KDM4B: variants seen among roughly 807,000 people sequenced by gnomAD.
KDM4B encodes lysine demethylase 4B, also known as lysine-specific demethylase 4B.
KDM4B carries 32 observed loss-of-function variants against 125.2 expected under a neutral mutation model. The ratio of observed to expected loss-of-function variants is 0.26; its 90% CI spans 0.19 to 0.34. KDM4B has a LOEUF of 0.34. KDM4B is among the 10% of genes least tolerant of loss of function. KDM4B has a pLI of 1.00. For synonymous variants in KDM4B, 721 were observed against 677.9 expected (o/e 1.06, Z -0.99); for missense variants, 1,190 against 1,577.7 (o/e 0.75, Z 4.16).
chr19:5,094,633 G>A (rs2038781442), intron 9 of KDM4B, among the ~76,000 whole-genome samples: 3 of 152,090 alleles, frequency 2.0e-5, no homozygotes, highest in African/African-American at 7.2e-5. Context: ...ACAGAGGTGG[G>A]GGCACAGGGG....
rs2037070424 is a variant in KDM4B, at chr19:5,047,688, C to T, written c.626+19C>T. 6.2e-7 allele frequency: 1 copy of T among 1,609,396 alleles called. No homozygotes were observed. The highest frequency in any genetic ancestry group is 1.3e-5 in the African/African-American group (1 of 74,960). On this transcript the variant is annotated intron_variant, in intron 6 of 22. Coordinates refer to ENST00000159111, the MANE Select transcript of KDM4B (RefSeq NM_015015.3). The stretch of plus-strand genomic sequence containing the variant: ...AGTCCTGGTGAGTGTCTGCACTGGC[C>T]CTGCCGCCGGCCGGACCGAGAGCCC...
At chr19:4,995,907 C>T (rs1461073260) in intron 1 of KDM4B, among the ~76,000 whole-genome samples, 2 of 152,254 alleles carry the variant, frequency 1.3e-5, no homozygotes, top group African/African-American at 2.4e-5. Context: ...CTTTGCTTCT[C>T]AGTGGCTCTG....
At chr19:5,030,256 G>A (rs2036409272) in intron 2 of KDM4B, among the ~76,000 whole-genome samples, 1 of 152,208 alleles carries the variant, frequency 6.6e-6, no homozygotes, top group Admixed American at 6.5e-5. Context: ...ACAGGTGTGT[G>A]CCACCGTGCC....
chr19:5,148,662 C>T (rs1342723599), intron 21 of KDM4B, among the ~76,000 whole-genome samples: 4 of 151,878 alleles, frequency 2.6e-5, no homozygotes. Context: ...CAAAGCGGAG[C>T]CTCCAAAACC....
At chr19:5,122,959 A>T (rs1267846067) in intron 11 of KDM4B, among the ~76,000 whole-genome samples, 1 of 152,196 alleles carries the variant, frequency 6.6e-6, no homozygotes, top group Non-Finnish European at 1.5e-5. Context: ...TTATCCAGAG[A>T]AGTGGAGCAT....
chr19:5,132,618 CAG>C (rs2039578486), intron 13 of KDM4B, among the ~76,000 whole-genome samples: 1 of 152,058 alleles, frequency 6.6e-6, no homozygotes, highest in South Asian at 2.1e-4. Flanking sequence ...GGCACGGGGA[CAG>C]AGGAATGACC....
At chr19:5,151,146 G>T (rs918796089) in intron 22 of KDM4B, among the ~76,000 whole-genome samples, 189 bp from the exon 23 acceptor site, 3 of 152,224 alleles carry the variant, frequency 2.0e-5, no homozygotes, top group Non-Finnish European at 2.9e-5. Flanking sequence ...AGAGGCTGGG[G>T]CCGAGTGCAG....
Position 5,061,945 on chromosome 19 carries a change from C to T in KDM4B, c.627-9065C>T, listed in dbSNP as rs975939527. Among the ~76,000 whole-genome samples, 9 of 152,298 alleles carry T rather than the reference C, an allele frequency of 5.9e-5. No homozygotes were observed. The East Asian group carries it at 1.2e-3, about 20-fold the overall frequency. On this transcript the variant is annotated intron_variant, in intron 6 of 22. Transcript: ENST00000159111. The stretch of plus-strand genomic sequence containing the variant: ...GTTCTGTCATTGCCTTGGGAGGAGC[C>T]GTGCAGCCCAGGCTGGGCTCCATTT...
chr19:5,054,718 G>A (rs182214027), intron 6 of KDM4B, among the ~76,000 whole-genome samples: 88 of 152,342 alleles, frequency 5.8e-4, no homozygotes, highest in African/African-American at 2.1e-3. Context: ...GGCCTAGAGC[G>A]TGGCGTGTGG....
At chr19:4,981,477 C>T (rs894868322) in intron 1 of KDM4B, among the ~76,000 whole-genome samples, 2 of 152,150 alleles carry the variant, frequency 1.3e-5, no homozygotes, top group South Asian at 2.1e-4. Flanking sequence ...TTTCCTGGTC[C>T]GGGGCCTGGT....
chr19:5,022,288 C>T (rs940247297), intron 2 of KDM4B, among the ~76,000 whole-genome samples: 18 of 152,294 alleles, frequency 1.2e-4, no homozygotes, highest in Non-Finnish European at 1.3e-4. Flanking sequence ...CCAGGCCTGG[C>T]CCCAGGTGCT....
chr19:4,972,636 C>T (rs750145245), intron 1 of KDM4B, among the ~76,000 whole-genome samples: 2 of 152,228 alleles, frequency 1.3e-5, no homozygotes, highest in African/African-American at 2.4e-5. Context: ...CTGTCAACCC[C>T]GCAGTGAGAA....
rs1338457168 is a variant in KDM4B at position 5,114,038 on chromosome 19, G to A, written c.1115+3220G>A. 1 of 1,284,718 alleles carries A rather than the reference G, an allele frequency of 7.8e-7. No homozygotes were observed. Among genetic ancestry groups the A allele is most frequent in the Non-Finnish European group, 1.0e-6 (1 of 985,874 alleles). The allele number at this position is 1,284,718 out of a possible 1,614,324, so 79.6% of individuals were successfully genotyped here. A position where few individuals can be genotyped will look rare whatever the true frequency, so the allele number is the denominator to read the frequency against. ...GTTTGTATTCTTCCCCCTGATGGATGGGTCGCCTAAAACTGCAGCCTGGCT... is the reference window on the plus strand; with the variant it reads ...GTTTGTATTCTTCCCCCTGATGGATAGGTCGCCTAAAACTGCAGCCTGGCT... On this transcript the variant is annotated intron_variant, in intron 10 of 22. Transcript: ENST00000159111. This position sits in a 1 kb window ranked among gnomAD's most constrained non-coding sequence, Gnocchi z 5.8.
chr19:5,148,064 C>T (rs1020958577), intron 21 of KDM4B, among the ~76,000 whole-genome samples: 1 of 152,194 alleles, frequency 6.6e-6, no homozygotes, highest in Non-Finnish European at 1.5e-5. Flanking sequence ...CCCGCCTGTC[C>T]GGAACACTTG....
chr19:5,009,796 A>G (rs2035673767), intron 1 of KDM4B, among the ~76,000 whole-genome samples: 1 of 151,838 alleles, frequency 6.6e-6, no homozygotes, highest in African/African-American at 2.4e-5. Flanking sequence ...CAGGGGCGCC[A>G]TCTTGGCTCA....
intron 9 of KDM4B, among the ~76,000 whole-genome samples, chr19:5,093,747 C>G (rs1450006182): frequency 1.3e-5 from 2 of 152,206 alleles, no homozygotes; most frequent in African/African-American, 4.8e-5. Context: ...CGGTTGGTGT[C>G]TGCTTGGCAG....
In KDM4B at chr19:4,971,385, C is replaced by T. The variant is rs1348467748; in HGVS notation, c.-109+2155C>T. On this transcript the variant is annotated intron_variant, in intron 1 of 22. Coordinates refer to ENST00000159111, the MANE Select transcript of KDM4B (RefSeq NM_015015.3). The surrounding 1 kb of genome is among the most constrained non-coding windows in gnomAD (Gnocchi z 4.1). The stretch of plus-strand genomic sequence containing the variant: ...TCTGTGTCCTTCTCTCCCACCTGAC[C>T]ACTCTGCCTGTACTTTAATTCCTAA... Among the ~76,000 whole-genome samples the T allele has an allele frequency of 6.6e-6, 1 of 152,136 alleles. No individual in the cohort carries two copies. The highest frequency in any genetic ancestry group is 2.4e-5 in the African/African-American group (1 of 41,408).
intron 6 of KDM4B, among the ~76,000 whole-genome samples, chr19:5,062,477 A>G (rs2620809): frequency 0.67 from 102,348 of 152,152 alleles, 34,713 homozygotes; most frequent in East Asian, 0.94. Flanking sequence ...CCAGGGAGGC[A>G]CTGGCTTCCC....
At position 5,151,648 on chromosome 19, in the gene KDM4B, G is replaced by T; in HGVS notation, c.*137G>T. 1.3e-6 allele frequency: 1 copy of T among 748,520 alleles called. No homozygotes were observed. The allele number at this position is 748,520 out of a possible 1,614,324, so 46.4% of individuals were successfully genotyped here. ...CTCCAAGCCGCGGGTGCCCCCTAGG[G>T]CGACAGGAGCCAGCGGGACGCCGCA... On this transcript the variant is annotated 3_prime_UTR_variant, in exon 23 of 23. Coordinates refer to ENST00000159111, the MANE Select transcript of KDM4B (RefSeq NM_015015.3).
Sources: gnomAD v4.1 joint callset for allele counts (sites outside exome capture counted in the v4.1 genomes callset) on GRCh38, gnomAD v4.1.1 for gene constraint, Gnocchi (gnomAD v3.1) non-coding constraint, MANE v1.5 for transcripts, NCBI Gene and HGNC (gene_info 2026-07-23, HGNC 2026-07-21) for gene names.